The following CNBD1 variants were observed in gnomAD, a reference collection of about 807,000 sequenced individuals.
CNBD1 encodes the protein cyclic nucleotide binding domain containing 1.
A neutral mutation model predicts 54.4 loss-of-function variants in CNBD1; 71 were observed. That is an observed-to-expected ratio of 1.30 (90% CI 1.08 to 1.59). CNBD1 has a LOEUF of 1.59. Among genes scored for constraint, CNBD1 ranks in the 40% most tolerant of loss-of-function variants. The pLI is 0.00. For synonymous variants in CNBD1, 182 were observed against 170.7 expected (o/e 1.07, Z -0.51); for missense variants, 659 against 518.0 (o/e 1.27, Z -2.64).
intron 4 of CNBD1, among the ~76,000 whole-genome samples, chr8:87,041,298 G>A (rs1019764335): frequency 1.3e-5 from 2 of 152,128 alleles, no homozygotes; most frequent in African/African-American, 4.8e-5. Flanking sequence ...ATAACTTATG[G>A]ATATCCCTGA....
chr8:87,035,579 A>G (rs975136138), intron 4 of CNBD1, among the ~76,000 whole-genome samples: 6 of 152,184 alleles, frequency 3.9e-5, no homozygotes, highest in East Asian at 1.9e-4. Context: ...CACAAGGGCA[A>G]TTTCTCAGAT....
chr8:87,388,447 C>T (rs1227065394), intron 2 of CNBD1, among the ~76,000 whole-genome samples: 4 of 152,180 alleles, frequency 2.6e-5, no homozygotes, highest in Middle Eastern at 3.4e-3. Context: ...GAAATACAAA[C>T]TACCATCAGA....
intron 5 of CNBD1, among the ~76,000 whole-genome samples, chr8:87,209,780 A>G (rs1199960572): frequency 6.6e-6 from 1 of 152,218 alleles, no homozygotes; most frequent in Non-Finnish European, 1.5e-5. Context: ...AATACACTGA[A>G]AAGTGATTAT....
intron 8 of CNBD1, among the ~76,000 whole-genome samples, chr8:87,343,279 A>G (rs113353160): frequency 0.024 from 3,666 of 152,270 alleles, 148 homozygotes; most frequent in African/African-American, 0.081. Flanking sequence ...GTCAGATTTC[A>G]TGTTGTTCAA....
At chr8:87,233,132 CAAAAT>C (rs1365140971) in intron 5 of CNBD1, among the ~76,000 whole-genome samples, 2 of 152,062 alleles carry the variant, frequency 1.3e-5, no homozygotes, top group African/African-American at 4.8e-5. Context: ...GAATAATTGA[CAAAAT>C]AATACGTTTA....
intron 4 of CNBD1, among the ~76,000 whole-genome samples, chr8:87,088,816 A>G (rs1390304678): frequency 6.6e-6 from 1 of 152,156 alleles, no homozygotes; most frequent in Non-Finnish European, 1.5e-5. Flanking sequence ...GAGCACTGTT[A>G]TTGCTCTTGG....
intron 6 of CNBD1, among the ~76,000 whole-genome samples, chr8:87,260,822 C>A (rs925498352): frequency 6.6e-6 from 1 of 151,996 alleles, no homozygotes; most frequent in Non-Finnish European, 1.5e-5. Flanking sequence ...TTCTGTAAGA[C>A]TTTACTGCCT....
intron 10 of CNBD1, among the ~76,000 whole-genome samples, chr8:87,367,997 C>A (rs545975440): frequency 4.6e-4 from 70 of 151,800 alleles, no homozygotes; most frequent in Non-Finnish European, 8.2e-4. Context: ...CCCAATCTTT[C>A]CTAAAAAGAC....
At chr8:87,341,905 T>C in intron 8 of CNBD1, among the ~76,000 whole-genome samples, 1 of 142,292 alleles carries the variant, frequency 7.0e-6, no homozygotes, top group South Asian at 2.1e-4. Flanking sequence ...CGAAACAGAC[T>C]AAGAATCTAT....
At chr8:87,374,010 A>T (rs1810873166) in intron 10 of CNBD1, among the ~76,000 whole-genome samples, 1 of 151,812 alleles carries the variant, frequency 6.6e-6, no homozygotes, top group South Asian at 2.1e-4. Context: ...GGTAATTACA[A>T]CTAGGCTTTT....
chr8:87,389,474 C>A (rs1479154328), intron 2 of CNBD1, among the ~76,000 whole-genome samples: 2 of 152,036 alleles, frequency 1.3e-5, no homozygotes, highest in African/African-American at 2.4e-5. Context: ...AACAGAGAGC[C>A]AAATCATGAG....
chr8:86,994,511 G>C (rs541631010), intron 4 of CNBD1, among the ~76,000 whole-genome samples: 1 of 152,208 alleles, frequency 6.6e-6, no homozygotes, highest in Non-Finnish European at 1.5e-5. Flanking sequence ...GGCTCCATCT[G>C]TCTCTGCCTA....
chr8:87,198,602 C>A (rs751118673), intron 4 of CNBD1, among the ~76,000 whole-genome samples: 10 of 152,078 alleles, frequency 6.6e-5, no homozygotes, highest in Non-Finnish European at 1.0e-4. Flanking sequence ...GAAACCATGT[C>A]CAAAGAGTTC....
Position 87,360,245 on chromosome 8 carries a change from G to A in CNBD1, c.1303+6459G>A, listed in dbSNP as rs182362709. On this transcript the variant is annotated intron_variant, in intron 10 of 10. Coordinates refer to ENST00000518476, the MANE Select transcript of CNBD1 (RefSeq NM_173538.3). Reference sequence around the variant, plus strand: ...CTACTGGAGAATTATATATGCAACCGTCTATATATAAAATATAGTAAGATG... The same window carrying A: ...CTACTGGAGAATTATATATGCAACCATCTATATATAAAATATAGTAAGATG... Among the ~76,000 whole-genome samples, 612 of 151,936 alleles carry A rather than the reference G, an allele frequency of 4.0e-3. 5 individuals carry two copies. The highest frequency in any genetic ancestry group is 7.0e-3 in the Non-Finnish European group (476 of 67,834).
chr8:87,408,196 A>G (rs1440831477), intron 2 of CNBD1, among the ~76,000 whole-genome samples: 2 of 151,670 alleles, frequency 1.3e-5, no homozygotes, highest in Non-Finnish European at 2.9e-5. Context: ...GCTTCTGCTT[A>G]TTATCTCCTT....
chr8:87,314,023 G>A (rs1809329567), intron 8 of CNBD1, among the ~76,000 whole-genome samples: 2 of 151,838 alleles, frequency 1.3e-5, no homozygotes, highest in African/African-American at 4.8e-5. Context: ...GAGTACCAAA[G>A]CACATGTAAT....
chr8:87,398,906 C>A (rs183950875), intron 2 of CNBD1, among the ~76,000 whole-genome samples: 6 of 152,134 alleles, frequency 3.9e-5, no homozygotes, highest in Admixed American at 3.9e-4. Flanking sequence ...TCAGACCCAC[C>A]TATTCTCCTG....
chr8:87,068,438 T>C (rs1327300424), intron 4 of CNBD1, among the ~76,000 whole-genome samples: 3 of 151,988 alleles, frequency 2.0e-5, no homozygotes, highest in Non-Finnish European at 4.4e-5. Flanking sequence ...AATCTTTTAA[T>C]TGGGTTTTAT....
intron 8 of CNBD1, among the ~76,000 whole-genome samples, chr8:87,310,597 A>T (rs995141498): frequency 6.6e-6 from 1 of 152,138 alleles, no homozygotes; most frequent in African/African-American, 2.4e-5. Context: ...CTATCAAATG[A>T]CCAATGTCAT....
Sources: allele counts gnomAD v4.1 joint callset (sites outside exome capture counted in the v4.1 genomes callset), GRCh38; gene constraint gnomAD v4.1.1; transcripts MANE v1.5; gene names NCBI Gene and HGNC (gene_info 2026-07-23, HGNC 2026-07-21).